DNAH2: variants seen among roughly 807,000 people sequenced by gnomAD.
DNAH2 encodes the protein dynein axonemal heavy chain 2.
Under a neutral mutation model 523.5 loss-of-function variants are expected in DNAH2, and 323 were observed. The ratio of observed to expected loss-of-function variants is 0.62; its 90% CI spans 0.56 to 0.68. The LOEUF is 0.68. Ranked by LOEUF, DNAH2 falls within the 30% of genes least tolerant of loss-of-function variation. The probability of loss-of-function intolerance (pLI) is 0.00; values close to 1 mark genes in which losing one functional copy is unlikely to be tolerated. For missense variants in DNAH2, 4,907 were observed against 5,701.5 expected (o/e 0.86, Z 4.49); for synonymous variants, 2,093 against 2,177.4 (o/e 0.96, Z 1.08).
At chr17:7,779,472 G>A in intron 36 of DNAH2, 49 bp downstream of exon 36, 10 of 1,578,748 alleles carry the variant, frequency 6.3e-6, no homozygotes, top group Non-Finnish European at 7.8e-6. Flanking sequence ...AGAACTGGGT[G>A]TTCAGGGGAA....
intron 19 of DNAH2, 23 bp from the exon 20 acceptor site, chr17:7,764,094 G>A: frequency 6.2e-7 from 1 of 1,614,188 alleles, no homozygotes; most frequent in Middle Eastern, 1.6e-4. Context: ...CCACTCACTA[G>A]CACTCCCTTT....
chr17:7,798,709 A>G lies in DNAH2; in HGVS notation c.8550A>G (p.Glu2850=). 1 of 1,613,284 alleles carries G rather than the reference A, an allele frequency of 6.2e-7. No individual in the cohort carries two copies. Among genetic ancestry groups the G allele is most frequent in the Non-Finnish European group, 8.5e-7 (1 of 1,179,902 alleles). Residue 2850 remains glutamate, a synonymous_variant, in exon 55 of 86, where the codon GAA becomes GAG. Transcript: ENST00000572933. The surrounding 1 kb of genome is among the most constrained non-coding windows in gnomAD (Gnocchi z 5.5). ...GEVPNLYKPD[E]FEEIQSHIID... ...TGCCCAATCTCTACAAGCCTGATGA[A>G]TTTGAAGAGGTAGGATTCCTTCCAC...
At chr17:7,757,603 G>T (rs541986272) in intron 13 of DNAH2, among the ~76,000 whole-genome samples, 101 of 152,302 alleles carry the variant, frequency 6.6e-4, no homozygotes, top group African/African-American at 2.2e-3. Flanking sequence ...CCCCATCCCT[G>T]CCTCAGTTTC....
rs2076802140 is a variant in DNAH2, at chr17:7,788,304, A to G, written c.6900+60A>G. The stretch of plus-strand genomic sequence containing the variant: ...GGGGTGCTCACAGCCTCACCAGAAC[A>G]ACTTCTGGGAAACGGCGTGTCTGAG... On this transcript the variant is annotated intron_variant, in intron 44 of 85. Coordinates refer to ENST00000572933, the MANE Select transcript of DNAH2 (RefSeq NM_020877.5). The G allele has an allele frequency of 2.0e-6, 3 of 1,490,038 alleles. No individual in the cohort carries two copies. In the Admixed American group the frequency reaches 7.0e-5, roughly 35 times the overall value. The allele number at this position is 1,490,038 out of a possible 1,614,324, so 92.3% of individuals were successfully genotyped here.
In DNAH2 at chr17:7,832,474, A is replaced by G. The variant is rs1282566060; in HGVS notation, c.12727-105A>G. The G allele has an allele frequency of 7.3e-7, 1 of 1,373,162 alleles. No individual in the cohort carries two copies. Among genetic ancestry groups the G allele is most frequent in the Non-Finnish European group, 1.0e-6 (1 of 998,598 alleles). The allele number at this position is 1,373,162 out of a possible 1,614,324, so 85.1% of individuals were successfully genotyped here. A position where few individuals can be genotyped will look rare whatever the true frequency, so the allele number is the denominator to read the frequency against. ...CAGTGAGCCAAGATCGTACCACTGC[A>G]CTCCAGCCTGGGGGACAAGAGCAAA... is the stretch of plus-strand genomic sequence containing the variant. On this transcript the variant is annotated intron_variant, in intron 82 of 85. Coordinates refer to ENST00000572933, the MANE Select transcript of DNAH2 (RefSeq NM_020877.5). The surrounding 1 kb of genome is among the most constrained non-coding windows in gnomAD (Gnocchi z 4.3).
chr17:7,727,492 G>A (rs1466080912), intron 4 of DNAH2, among the ~76,000 whole-genome samples, 200 bp downstream of exon 4: 2 of 152,120 alleles, frequency 1.3e-5, no homozygotes, highest in Non-Finnish European at 2.9e-5. Context: ...GGTGGCTCAC[G>A]CCTGTAATCC....
chr17:7,799,599 G>A (rs185118213), intron 56 of DNAH2, among the ~76,000 whole-genome samples: 6 of 152,054 alleles, frequency 3.9e-5, no homozygotes, highest in African/African-American at 7.2e-5. Context: ...GGTGGATCAC[G>A]AGATCAGGAG....
chr17:7,780,744 A>G lies in DNAH2; in HGVS notation c.5965A>G (p.Lys1989Glu). 6.2e-7 allele frequency: 1 copy of G among 1,614,272 alleles called. No individual in the cohort carries two copies. The change falls in exon 38 of 86, where the codon AAG becomes GAG. Residue 1989 changes from lysine (K) to glutamate (E), a missense_variant. Physicochemically the swap from Lys to Glu is moderately conservative, Grantham distance 56. Around this residue, in one of 3 missense-constraint regions of DNAH2, gnomAD observed 2,806 missense variants for 3,190.8 expected, o/e 0.88. Coordinates refer to ENST00000572933, the MANE Select transcript of DNAH2 (RefSeq NM_020877.5). The surrounding 1 kb of genome is among the most constrained non-coding windows in gnomAD (Gnocchi z 4.4). ...ALTSLLRYAGKKRRLQPDLTD... is the reference protein window; with the variant it reads ...ALTSLLRYAGEKRRLQPDLTD... ...CACCTCCCTTCTGCGCTATGCTGGC[A>G]AGAAGCGCCGCCTACAGCCGGATCT... is the stretch of plus-strand genomic sequence containing the variant.
At chr17:7,818,199 C>G in intron 68 of DNAH2, 103 bp downstream of exon 68, 1 of 1,596,256 alleles carries the variant, frequency 6.3e-7, no homozygotes, top group South Asian at 1.1e-5. Context: ...TCAGACAGCC[C>G]TGGCCTGGGG....
In DNAH2 at chr17:7,786,552, T is replaced by C; in HGVS notation, c.6349-18T>C. 2 of 1,609,730 alleles carry C rather than the reference T, an allele frequency of 1.2e-6. No individual in the cohort carries two copies. Among genetic ancestry groups the C allele is most frequent in the Non-Finnish European group, 1.7e-6 (2 of 1,176,718 alleles). ...TTTGTCCATCAGCAGCTAAAACCCC[T>C]TCCGGTGTCATTTTCAGGAGTTCCC... On this transcript the variant is annotated intron_variant, in intron 40 of 85. Transcript: ENST00000572933. This position sits in a 1 kb window ranked among gnomAD's most constrained non-coding sequence, Gnocchi z 7.5.
chr17:7,832,574 C>A lies in DNAH2; in HGVS notation c.12727-5C>A. On this transcript the variant is annotated splice_polypyrimidine_tract_variant and splice_region_variant and intron_variant, in intron 82 of 85. Transcript: ENST00000572933. This position sits in a 1 kb window ranked among gnomAD's most constrained non-coding sequence, Gnocchi z 4.3. ...TGAGTGAATACACACGCACTCCTTC[C>A]CCAGGCATACCCCTCACAAAAGCCA... 6.2e-7 allele frequency: 1 copy of A among 1,613,454 alleles called. No homozygotes were observed. Among genetic ancestry groups the A allele is most frequent in the Non-Finnish European group, 8.5e-7 (1 of 1,179,732 alleles).
rs758075181 is a variant in DNAH2 at position 7,780,302 on chromosome 17, T to G, written c.5850+18T>G. Reference sequence around the variant, plus strand: ...ACTGCAAGGTACTCCAATAACCCCTTTTCTCCAGTGATTTTAATTTCCTTT... The same window carrying G: ...ACTGCAAGGTACTCCAATAACCCCTGTTCTCCAGTGATTTTAATTTCCTTT... On this transcript the variant is annotated intron_variant, in intron 37 of 85. Coordinates refer to ENST00000572933, the MANE Select transcript of DNAH2 (RefSeq NM_020877.5). The surrounding 1 kb of genome is among the most constrained non-coding windows in gnomAD (Gnocchi z 4.4). The G allele has an allele frequency of 6.2e-7, 1 of 1,613,756 alleles. No individual in the cohort carries two copies. The highest frequency in any genetic ancestry group is 8.5e-7 in the Non-Finnish European group (1 of 1,179,928).
intron 61 of DNAH2, among the ~76,000 whole-genome samples, chr17:7,806,229 C>T (rs1311120639): frequency 6.6e-6 from 1 of 152,194 alleles, no homozygotes; most frequent in Non-Finnish European, 1.5e-5. Flanking sequence ...GTGCTCTGAG[C>T]ACGTCTAAGT....
At position 7,792,165 on chromosome 17, in the gene DNAH2, C is replaced by G. The variant is rs112827482; in HGVS notation, c.7054-87C>G. The G allele has an allele frequency of 3.7e-4, 589 of 1,600,222 alleles. 2 individuals are homozygous for G. The African/African-American group carries it at 6.9e-3, about 19-fold the overall frequency. ...TCTGCTTGGGTTTCCCTCTCTCTTT[C>G]TTCCACCCGGTGGTCTGGGGCCCGT... On this transcript the variant is annotated intron_variant, in intron 45 of 85. Coordinates refer to ENST00000572933, the MANE Select transcript of DNAH2 (RefSeq NM_020877.5).
At chr17:7,810,017 C>T (rs745538939) in intron 63 of DNAH2, among the ~76,000 whole-genome samples, 1 of 149,608 alleles carries the variant, frequency 6.7e-6, no homozygotes, top group African/African-American at 2.5e-5. Context: ...CCTTCCCTCC[C>T]TCCCTTCCTT....
In DNAH2 at chr17:7,786,579, T is replaced by C. The variant is rs978554880; in HGVS notation, c.6358T>C (p.Leu2120=). ...PNFNIVREFP[L]NPKALSLGEL... ...CCGGTGTCATTTTCAGGAGTTCCCT[T>C]TGAACCCCAAGGCATTGTCCCTAGG... The change falls in exon 41 of 86, where the codon TTG becomes CTG. Residue 2120 remains leucine (L), a synonymous_variant. Transcript: ENST00000572933. This position sits in a 1 kb window ranked among gnomAD's most constrained non-coding sequence, Gnocchi z 7.5. 6.2e-7 allele frequency: 1 copy of C among 1,613,660 alleles called. No individual in the cohort carries two copies. Among genetic ancestry groups the C allele is most frequent in the Non-Finnish European group, 8.5e-7 (1 of 1,179,830 alleles).
At position 7,786,585 on chromosome 17, in the gene DNAH2, C is replaced by A; in HGVS notation, c.6364C>A (p.Pro2122Thr). ...FNIVREFPLN[P>T]KALSLGELYG... ...TCATTTTCAGGAGTTCCCTTTGAAC[C>A]CCAAGGCATTGTCCCTAGGGGAACT... Residue 2122 changes from proline (P) to threonine (T), a missense_variant, in exon 41 of 86, where the codon CCC becomes ACC. Pro to Thr is a conservative substitution (Grantham distance 38). Around this residue, in one of 3 missense-constraint regions of DNAH2, gnomAD observed 2,806 missense variants for 3,190.8 expected, o/e 0.88. Transcript: ENST00000572933. This position sits in a 1 kb window ranked among gnomAD's most constrained non-coding sequence, Gnocchi z 7.5. The A allele has an allele frequency of 6.2e-7, 1 of 1,613,866 alleles. No homozygotes were observed. The highest frequency in any genetic ancestry group is 1.1e-5 in the South Asian group (1 of 91,058).
chr17:7,805,441 A>T, intron 61 of DNAH2, 48 bp downstream of exon 61: 1 of 1,611,562 alleles, frequency 6.2e-7, no homozygotes, highest in East Asian at 2.2e-5. Flanking sequence ...CCCAGTGTTT[A>T]TTGATCGTCG....
At chr17:7,757,277 T>G (rs758196268) in intron 13 of DNAH2, 40 bp downstream of exon 13, 1 of 1,596,736 alleles carries the variant, frequency 6.3e-7, no homozygotes, top group Non-Finnish European at 8.6e-7. Context: ...CAAGATGCTA[T>G]TTTATTCCTT....
Sources: allele counts gnomAD v4.1 joint callset (sites outside exome capture counted in the v4.1 genomes callset), GRCh38; gene constraint gnomAD v4.1.1; regional missense constraint gnomAD v4.1.1; non-coding constraint Gnocchi (gnomAD v3.1); transcripts MANE v1.5; gene names NCBI Gene and HGNC (gene_info 2026-07-23, HGNC 2026-07-21).